The following PDCD6 variants were observed in gnomAD, a reference collection of about 807,000 sequenced individuals.
PDCD6 encodes the protein programmed cell death protein 6.
PDCD6 carries 12 observed loss-of-function variants against 28.3 expected under a neutral mutation model. The ratio of observed to expected loss-of-function variants is 0.42; its 90% CI spans 0.27 to 0.69. The LOEUF is 0.69. Ranked by LOEUF, PDCD6 falls within the 30% of genes least tolerant of loss-of-function variation. The pLI is 0.22. For missense variants in PDCD6, 226 were observed against 269.9 expected (o/e 0.84, Z 1.14); for synonymous variants, 92 against 108.0 (o/e 0.85, Z 0.92).
At chr5:311,488 A>C (rs989430992) in intron 5 of PDCD6, 86 bp downstream of exon 5, 64 of 850,476 alleles carry the variant, frequency 7.5e-5, no homozygotes, top group Non-Finnish European at 1.2e-4. Context: ...CAATCTAAGG[A>C]GCTGGGCATG....
chr5:296,059 C>T (rs1739590110), intron 2 of PDCD6, among the ~76,000 whole-genome samples: 1 of 152,110 alleles, frequency 6.6e-6, no homozygotes, highest in Admixed American at 6.6e-5. Context: ...GTCTCTCTTC[C>T]TTCACACTAC....
chr5:271,929 C>T (rs1198625456), intron 1 of PDCD6, 108 bp downstream of exon 1: 8 of 426,058 alleles, frequency 1.9e-5, no homozygotes, highest in Non-Finnish European at 3.2e-5. Flanking sequence ...ACTGCGGCCT[C>T]CTCCGTCCCC....
chr5:288,933 A>T, intron 2 of PDCD6: 1 of 1,557,396 alleles, frequency 6.4e-7, no homozygotes, highest in Non-Finnish European at 8.8e-7. Context: ...ATTAGATCCT[A>T]CTAATTCTTC....
chr5:302,960 C>T (rs537935288), intron 2 of PDCD6, among the ~76,000 whole-genome samples: 16 of 152,192 alleles, frequency 1.1e-4, no homozygotes, highest in African/African-American at 2.6e-4. Context: ...TGCTGGAGGG[C>T]GGGATCTTCC....
chr5:307,707 G>A lies in PDCD6; in HGVS notation c.367+947G>A, dbSNP rs868078411. Among the ~76,000 whole-genome samples, 1 of 152,112 alleles carries A rather than the reference G, an allele frequency of 6.6e-6. No homozygotes were observed. The highest frequency in any genetic ancestry group is 2.4e-5 in the African/African-American group (1 of 41,406). Reference sequence around the variant, plus strand: ...GCCGCTTCCGTGATTTGCTTAAAAGGCTCCTTAGAAACAGTGAGGAAAATT... The same window carrying A: ...GCCGCTTCCGTGATTTGCTTAAAAGACTCCTTAGAAACAGTGAGGAAAATT... On this transcript the variant is annotated intron_variant, in intron 4 of 5. Coordinates refer to ENST00000264933, the MANE Select transcript of PDCD6 (RefSeq NM_013232.4). The surrounding 1 kb of genome is among the most constrained non-coding windows in gnomAD (Gnocchi z 6.1).
intron 2 of PDCD6, among the ~76,000 whole-genome samples, chr5:278,195 C>A (rs1231676152): frequency 6.6e-6 from 1 of 152,150 alleles, no homozygotes; most frequent in South Asian, 2.1e-4. Flanking sequence ...TGGGTGAGTT[C>A]CAGATATAGC....
chr5:299,774 C>A (rs1342508253), intron 2 of PDCD6, among the ~76,000 whole-genome samples: 1 of 152,192 alleles, frequency 6.6e-6, no homozygotes, highest in Non-Finnish European at 1.5e-5. Flanking sequence ...TGGTCTCGAT[C>A]TCCTCACCTG....
intron 2 of PDCD6, among the ~76,000 whole-genome samples, chr5:287,436 C>G (rs576677503): frequency 6.8e-6 from 1 of 147,630 alleles, no homozygotes; most frequent in Non-Finnish European, 1.5e-5. Context: ...TCCTTTTTCT[C>G]TTACACAGTT....
Position 287,731 on chromosome 5 carries a change from G to A in PDCD6, c.163+14959G>A, listed in dbSNP as rs192457004. On this transcript the variant is annotated intron_variant, in intron 2 of 5. Transcript: ENST00000264933. Reference sequence around the variant, plus strand: ...ACTTCAAAATGTCATACAAATTATGGTGGTTTCTATGCACCCCTAAAGCTT... The same window carrying A: ...ACTTCAAAATGTCATACAAATTATGATGGTTTCTATGCACCCCTAAAGCTT... Among the ~76,000 whole-genome samples the A allele has an allele frequency of 1.8e-4, 28 of 152,210 alleles. No homozygotes were observed. The East Asian group carries it at 5.2e-3, about 28-fold the overall frequency.
intron 2 of PDCD6, among the ~76,000 whole-genome samples, chr5:288,311 T>TACACAC (rs1554006399): frequency 2.8e-5 from 4 of 144,964 alleles, no homozygotes; most frequent in South Asian, 2.1e-4. Context: ...TATATATATA[T>TACACAC]ACACATATGT....
intron 2 of PDCD6, among the ~76,000 whole-genome samples, chr5:299,783 T>G (rs1046883600): frequency 6.6e-6 from 1 of 152,216 alleles, no homozygotes; most frequent in Non-Finnish European, 1.5e-5. Context: ...TCTCCTCACC[T>G]GGTGATCCGC....
At position 306,691 on chromosome 5, in the gene PDCD6, C is replaced by A. The variant is rs758565797; in HGVS notation, c.298C>A (p.Arg100Ser). The A allele has an allele frequency of 6.2e-7, 1 of 1,613,952 alleles. No individual in the cohort carries two copies. Among genetic ancestry groups the A allele is most frequent in the Non-Finnish European group, 8.5e-7 (1 of 1,180,024 alleles). Residue 100 changes from arginine to serine, a missense_variant, in exon 4 of 6, where the codon CGC (arginine) becomes AGC (serine). Arg to Ser is a moderately radical substitution (Grantham distance 110, BLOSUM62 -1). Around this residue, in one of 3 missense-constraint regions of PDCD6, gnomAD observed 151 missense variants for 177.2 expected, o/e 0.85. Coordinates refer to ENST00000264933, the MANE Select transcript of PDCD6 (RefSeq NM_013232.4). ...CATCACGGACTGGCAGAACGTCTTCCGCACGTACGACCGGGACAACTCCGG... is the reference window on the plus strand; with the variant it reads ...CATCACGGACTGGCAGAACGTCTTCAGCACGTACGACCGGGACAACTCCGG... ...KYITDWQNVF[R>S]TYDRDNSGMI...
intron 2 of PDCD6, among the ~76,000 whole-genome samples, chr5:295,717 C>T (rs1441040846): frequency 3.4e-5 from 5 of 146,548 alleles, no homozygotes; most frequent in South Asian, 2.3e-4. Flanking sequence ...GGGCCCGGGG[C>T]CTGCTGAGGC....
intron 2 of PDCD6, among the ~76,000 whole-genome samples, chr5:299,383 C>T (rs1482281257): frequency 2.7e-5 from 4 of 149,520 alleles, no homozygotes; most frequent in Admixed American, 2.7e-4. Flanking sequence ...CGAGACCATG[C>T]TGGAACCGTG....
At chr5:301,396 C>T (rs953003171) in intron 2 of PDCD6, among the ~76,000 whole-genome samples, 1 of 152,194 alleles carries the variant, frequency 6.6e-6, no homozygotes. Flanking sequence ...TAGAGTTTTC[C>T]TCTTTCTTTG....
intron 4 of PDCD6, 117 bp downstream of exon 4, chr5:306,877 T>C: frequency 9.8e-7 from 1 of 1,019,596 alleles, no homozygotes; most frequent in East Asian, 2.4e-5. Context: ...GTAAAGTTTT[T>C]GTTGACGTCA....
chr5:273,695 G>T (rs56328862), intron 2 of PDCD6, among the ~76,000 whole-genome samples: 2 of 144,376 alleles, frequency 1.4e-5, no homozygotes, highest in Non-Finnish European at 3.0e-5. Flanking sequence ...CTGTGGGTGG[G>T]GGGGTGCTGG....
chr5:279,112 C>T (rs557024967), intron 2 of PDCD6, among the ~76,000 whole-genome samples: 3 of 152,230 alleles, frequency 2.0e-5, no homozygotes, highest in South Asian at 2.1e-4. Context: ...CAGGCAAACC[C>T]GCTGGTGAAG....
chr5:279,817 G>T (rs1738455142), intron 2 of PDCD6, among the ~76,000 whole-genome samples: 1 of 150,492 alleles, frequency 6.6e-6, no homozygotes, highest in Non-Finnish European at 1.5e-5. Flanking sequence ...CGAGGAGCCG[G>T]TGCTGCAGTT....
Sources: gnomAD v4.1 joint callset for allele counts (sites outside exome capture counted in the v4.1 genomes callset) on GRCh38, gnomAD v4.1.1 for gene constraint, gnomAD v4.1.1 regional missense constraint, Gnocchi (gnomAD v3.1) non-coding constraint, MANE v1.5 for transcripts, NCBI Gene and HGNC (gene_info 2026-07-23, HGNC 2026-07-21) for gene names.